Variants in NHERF1 observed in about 807,000 individuals in gnomAD.
The protein encoded by NHERF1 is NHERF family PDZ scaffold protein 1, also known as Na(+)/H(+) exchange regulatory cofactor NHE-RF1.
At chr17:74,768,102 CT>C in the NHERF1 span, 1 of 1,345,504 alleles carries the variant, frequency 7.4e-7, no homozygotes, top group Non-Finnish European at 1.1e-6. Flanking sequence ...TCAGGACCCC[CT>C]CACCCCATCC....
chr17:74,762,853 C>G, the NHERF1 span, among the ~76,000 whole-genome samples: 3 of 152,324 alleles, frequency 2.0e-5, no homozygotes, highest in Non-Finnish European at 4.4e-5. This position sits in a 1 kb window ranked among gnomAD's most constrained non-coding sequence, Gnocchi z 4.2. Context: ...CCACCTCACC[C>G]GGCCCCGAGT....
the NHERF1 span, among the ~76,000 whole-genome samples, chr17:74,763,929 T>G: frequency 1.3e-5 from 2 of 152,190 alleles, no homozygotes; most frequent in Non-Finnish European, 2.9e-5. Context: ...CAGAGTCCAG[T>G]GACGGGGGCC....
At chr17:74,755,169 C>T in the NHERF1 span, among the ~76,000 whole-genome samples, 1 of 152,330 alleles carries the variant, frequency 6.6e-6, no homozygotes, top group African/African-American at 2.4e-5. Flanking sequence ...TGAGCCACAG[C>T]TGGACCATCA....
At chr17:74,767,101 G>A in the NHERF1 span, 2 of 845,922 alleles carry the variant, frequency 2.4e-6, no homozygotes, top group Non-Finnish European at 4.0e-6. Flanking sequence ...CCCAGTTCCA[G>A]CTCCTTCTTC....
the NHERF1 span, among the ~76,000 whole-genome samples, chr17:74,767,434 GAGGAACCC>G: frequency 4.1e-4 from 63 of 152,296 alleles, 3 homozygotes; most frequent in South Asian, 0.013. Context: ...TGAAGCCATG[GAGGAACCC>G]AGGAAGGGGC....
chr17:74,749,255 C>T, the NHERF1 span: 1 of 1,529,272 alleles, frequency 6.5e-7, no homozygotes. The surrounding 1 kb of genome is among the most constrained non-coding windows in gnomAD (Gnocchi z 5.6). Flanking sequence ...CGAAAATGAG[C>T]CTCGCGAGGC....
At chr17:74,763,371 AC>A in the NHERF1 span, 1 of 1,613,360 alleles carries the variant, frequency 6.2e-7, no homozygotes, top group East Asian at 2.2e-5. Flanking sequence ...CTGCAGGTGA[AC>A]GGGGTCTGCA....
the NHERF1 span, among the ~76,000 whole-genome samples, chr17:74,755,226 C>T: frequency 6.6e-6 from 1 of 152,180 alleles, no homozygotes; most frequent in Non-Finnish European, 1.5e-5. Flanking sequence ...TGTAAGGATC[C>T]AGGGCTTCCA....
the NHERF1 span, chr17:74,762,046 A>C: frequency 6.2e-7 from 1 of 1,614,138 alleles, no homozygotes. This position sits in a 1 kb window ranked among gnomAD's most constrained non-coding sequence, Gnocchi z 4.2. Context: ...ACCATGAAGA[A>C]GGGCCCCAGT....
At chr17:74,768,028 C>T in the NHERF1 span, 1 of 803,186 alleles carries the variant, frequency 1.2e-6, no homozygotes, top group African/African-American at 1.7e-5. Context: ...GGTGGGTGGC[C>T]AGGGCATCAG....
At chr17:74,767,729 GCAAA>G in the NHERF1 span, among the ~76,000 whole-genome samples, 1 of 152,132 alleles carries the variant, frequency 6.6e-6, no homozygotes, top group African/African-American at 2.4e-5. Flanking sequence ...TCAAATCCTG[GCAAA>G]CAGTCAGGTG....
At chr17:74,749,310 A>C in the NHERF1 span, 2 of 1,522,494 alleles carry the variant, frequency 1.3e-6, no homozygotes, top group Non-Finnish European at 1.8e-6. This position sits in a 1 kb window ranked among gnomAD's most constrained non-coding sequence, Gnocchi z 5.6. Context: ...CAAGCCGCGC[A>C]GGCTGGCATG....
the NHERF1 span, among the ~76,000 whole-genome samples, chr17:74,754,198 A>G: frequency 6.6e-6 from 1 of 151,814 alleles, no homozygotes; most frequent in East Asian, 1.9e-4. Context: ...AGCTCAGCCG[A>G]GGTCTTGTTG....
chr17:74,759,402 A>C, the NHERF1 span, among the ~76,000 whole-genome samples: 1 of 152,216 alleles, frequency 6.6e-6, no homozygotes, highest in Non-Finnish European at 1.5e-5. Context: ...GGCGAGGGGC[A>C]CTGGGCTGAA....
the NHERF1 span, among the ~76,000 whole-genome samples, chr17:74,756,556 A>C: frequency 9.2e-5 from 14 of 151,966 alleles, no homozygotes; most frequent in Non-Finnish European, 2.1e-4. Flanking sequence ...TGGGATTACA[A>C]GTGTGAGCCA....
At chr17:74,759,031 G>T in the NHERF1 span, among the ~76,000 whole-genome samples, 1 of 152,184 alleles carries the variant, frequency 6.6e-6, no homozygotes, top group Non-Finnish European at 1.5e-5. Context: ...AGGGAGGGGT[G>T]AGGAGGAACA....
the NHERF1 span, chr17:74,768,157 G>T: frequency 6.2e-7 from 1 of 1,610,486 alleles, no homozygotes; most frequent in Non-Finnish European, 8.5e-7. Flanking sequence ...GAGAACAGTC[G>T]TGAAGCCCTG....
At chr17:74,749,411 G>A in the NHERF1 span, 1 of 974,822 alleles carries the variant, frequency 1.0e-6, no homozygotes, top group South Asian at 1.7e-5. The surrounding 1 kb of genome is among the most constrained non-coding windows in gnomAD (Gnocchi z 5.6). Context: ...CTGCGAGGGG[G>A]AGACCGCTTC....
the NHERF1 span, chr17:74,763,489 CAG>C: frequency 1.2e-6 from 2 of 1,607,176 alleles, no homozygotes; most frequent in Non-Finnish European, 8.5e-7. Context: ...TCAAGAAATG[CAG>C]AGTGATCCCA....
Sources: gnomAD v4.1 joint callset for allele counts (sites outside exome capture counted in the v4.1 genomes callset) on GRCh38, gnomAD v4.1.1 for gene constraint, Gnocchi (gnomAD v3.1) non-coding constraint, MANE v1.5 for transcripts, NCBI Gene and HGNC (gene_info 2026-07-23, HGNC 2026-07-21) for gene names.